NSD1: variants seen among roughly 807,000 people sequenced by gnomAD.
NSD1 encodes nuclear receptor binding SET domain protein 1, also known as histone-lysine N-methyltransferase, H3 lysine-36 specific.
NSD1 carries 26 observed loss-of-function variants against 242.7 expected under a neutral mutation model. The observed-to-expected ratio is 0.11, with a 90% confidence interval of 0.08 to 0.15. NSD1 has a LOEUF of 0.15. Among genes scored for constraint, NSD1 ranks in the 10% least tolerant of loss-of-function variants. The pLI is 1.00. For synonymous variants in NSD1, 1,106 were observed against 1,178.1 expected (o/e 0.94, Z 1.25); for missense variants, 2,495 against 3,272.8 (o/e 0.76, Z 5.80).
intron 2 of NSD1, among the ~76,000 whole-genome samples, chr5:177,153,022 T>C (rs184597272): frequency 6.6e-5 from 10 of 152,168 alleles, no homozygotes; most frequent in Admixed American, 1.3e-4. Context: ...TTTTAAATTA[T>C]GTTTTTATTT....
Position 177,134,519 on chromosome 5 carries a change from GCATT to G in NSD1, c.-17-565_-17-562del, listed in dbSNP as rs1756137914. ...CTGCAGCTGCGGATCCAGCAGGCCT[GCATT>G]CAGGAAGGCGAGCTCTGGGGTGCAG... On this transcript the variant is annotated intron_variant, in intron 1 of 22. Transcript: ENST00000439151. The surrounding 1 kb of genome is among the most constrained non-coding windows in gnomAD (Gnocchi z 4.2). 1.3e-5 allele frequency among the ~76,000 whole-genome samples: 2 copies of G among 152,200 alleles called. No individual in the cohort carries two copies. The highest frequency in any genetic ancestry group is 6.5e-5 in the Admixed American group (1 of 15,274).
chr5:177,293,702 A>T, intron 22 of NSD1, 130 bp from the exon 23 acceptor site: 1 of 986,338 alleles, frequency 1.0e-6, no homozygotes, highest in East Asian at 2.5e-5. Context: ...GGTGAGTGGC[A>T]TAAGCTCTCT....
Position 177,177,526 on chromosome 5 carries a change from AC to A in NSD1, c.928-14357del, listed in dbSNP as rs1277697121. ...CTCTTTCTCCCAAAAACAACAAAAA[AC>A]AAAACAAAACAAAAAAACAGCAACA... On this transcript the variant is annotated intron_variant, in intron 2 of 22. Coordinates refer to ENST00000439151, the MANE Select transcript of NSD1 (RefSeq NM_022455.5). Among the ~76,000 whole-genome samples, 25 of 152,144 alleles carry A rather than the reference AC, an allele frequency of 1.6e-4. No homozygotes were observed. The East Asian group carries it at 4.4e-3, about 27-fold the overall frequency.
intron 2 of NSD1, among the ~76,000 whole-genome samples, chr5:177,150,583 C>T (rs973554705): frequency 6.8e-6 from 1 of 147,178 alleles, no homozygotes; most frequent in Non-Finnish European, 1.5e-5. Context: ...TTTCACATTG[C>T]TAGTGACCTT....
At chr5:177,152,139 T>C (rs1180618574) in intron 2 of NSD1, among the ~76,000 whole-genome samples, 1 of 151,694 alleles carries the variant, frequency 6.6e-6, no homozygotes, top group Non-Finnish European at 1.5e-5. Context: ...GGATTACAGG[T>C]GTGAGCCACT....
Position 177,260,108 on chromosome 5 carries a change from A to C in NSD1, c.5086A>C (p.Arg1696=). The C allele has an allele frequency of 1.2e-6, 2 of 1,614,056 alleles. No individual in the cohort carries two copies. Among genetic ancestry groups the C allele is most frequent in the Non-Finnish European group, 1.7e-6 (2 of 1,180,000 alleles). The stretch of plus-strand genomic sequence containing the variant: ...CATCTGCCCTAATCACTTTACCCCT[A>C]GGCGGGGCTGCCGAAATCATGAGCA... ...SIICPNHFTP[R]RGCRNHEHVN... The change falls in exon 14 of 23, where the codon AGG becomes CGG. Residue 1696 remains arginine (R), a synonymous_variant. Transcript: ENST00000439151.
chr5:177,182,384 T>C (rs150539407), intron 2 of NSD1, among the ~76,000 whole-genome samples: 34 of 152,236 alleles, frequency 2.2e-4, no homozygotes, highest in African/African-American at 7.7e-4. Flanking sequence ...CAAGCAGCCA[T>C]GAACACTGAG....
rs1387535853 is a variant in NSD1, at chr5:177,292,174, C to G, written c.6463+16C>G. 1.2e-5 allele frequency: 19 copies of G among 1,612,390 alleles called. No individual in the cohort carries two copies. The East Asian group carries it at 4.2e-4, about 36-fold the overall frequency. Reference sequence around the variant, plus strand: ...CGACCAGCAGGTTGGTGCCAAAATCCATTTGTACCGCTACTCGTTCTCTCC... The same window carrying G: ...CGACCAGCAGGTTGGTGCCAAAATCGATTTGTACCGCTACTCGTTCTCTCC... On this transcript the variant is annotated intron_variant, in intron 22 of 22. Coordinates refer to ENST00000439151, the MANE Select transcript of NSD1 (RefSeq NM_022455.5).
At chr5:177,282,980 G>A (rs754234056) in intron 19 of NSD1, among the ~76,000 whole-genome samples, 1 of 152,080 alleles carries the variant, frequency 6.6e-6, no homozygotes, top group Non-Finnish European at 1.5e-5. Context: ...TTGAGACAGA[G>A]TCTCGTTCTG....
At chr5:177,143,502 A>G (rs1316025828) in intron 2 of NSD1, among the ~76,000 whole-genome samples, 2 of 151,824 alleles carry the variant, frequency 1.3e-5, no homozygotes, top group South Asian at 2.1e-4. Context: ...TTGTATTTTT[A>G]GAAGAGATGG....
intron 12 of NSD1, among the ~76,000 whole-genome samples, chr5:177,252,964 C>G (rs1756127553): frequency 6.6e-6 from 1 of 152,038 alleles, no homozygotes; most frequent in South Asian, 2.1e-4. Context: ...TGGTCAGTGA[C>G]ACTACCTGGG....
intron 2 of NSD1, among the ~76,000 whole-genome samples, chr5:177,157,313 C>T (rs992800335): frequency 7.9e-5 from 12 of 151,814 alleles, no homozygotes; most frequent in South Asian, 2.1e-4. Flanking sequence ...TTGTGGTGAG[C>T]GGAGATCGTG....
chr5:177,283,098 C>G (rs912000853), intron 19 of NSD1, among the ~76,000 whole-genome samples: 25 of 152,108 alleles, frequency 1.6e-4, no homozygotes, highest in Non-Finnish European at 3.1e-4. Flanking sequence ...GGACTACAGG[C>G]ATCCGCCACC....
At chr5:177,263,021 T>C (rs944171288) in intron 14 of NSD1, among the ~76,000 whole-genome samples, 3 of 152,230 alleles carry the variant, frequency 2.0e-5, no homozygotes, top group Non-Finnish European at 2.9e-5. Flanking sequence ...TTTACCTACT[T>C]ATGACCTGGA....
chr5:177,145,755 A>G (rs1219854672), intron 2 of NSD1, among the ~76,000 whole-genome samples: 1 of 151,992 alleles, frequency 6.6e-6, no homozygotes, highest in African/African-American at 2.4e-5. Context: ...CTAAAAATAC[A>G]AAATTAGCCA....
chr5:177,260,305 A>G (rs1756886616), intron 14 of NSD1, 137 bp downstream of exon 14: 2 of 791,392 alleles, frequency 2.5e-6, no homozygotes, highest in African/African-American at 3.5e-5. Context: ...CCATTCAGGA[A>G]ATGATGTCCC....
intron 17 of NSD1, among the ~76,000 whole-genome samples, chr5:177,279,239 T>G (rs1758641420): frequency 6.6e-6 from 1 of 152,182 alleles, no homozygotes; most frequent in African/African-American, 2.4e-5. Flanking sequence ...CCCAGCACTT[T>G]CAGAGACCGA....
intron 2 of NSD1, among the ~76,000 whole-genome samples, chr5:177,156,073 G>T (rs1758107903): frequency 6.6e-6 from 1 of 151,326 alleles, no homozygotes; most frequent in Non-Finnish European, 1.5e-5. Flanking sequence ...AATATTTATT[G>T]GACCCTAAAT....
chr5:177,269,652 A>G lies in NSD1; in HGVS notation c.5354A>G (p.Asp1785Gly), dbSNP rs773561238. ...CCTCGAGCTGTTCCTTCCAACATTGATAAGATGAGACATGATGTGGGAGAG... is the reference window on the plus strand; with the variant it reads ...CCTCGAGCTGTTCCTTCCAACATTGGTAAGATGAGACATGATGTGGGAGAG... ...CHPRAVPSNI[D>G]KMRHDVGEFP... The change falls in exon 16 of 23, where the codon GAT becomes GGT. Residue 1785 changes from aspartate to glycine, a missense_variant. Transcript: ENST00000439151. This position sits in a 1 kb window ranked among gnomAD's most constrained non-coding sequence, Gnocchi z 5.1. 6.2e-7 allele frequency: 1 copy of G among 1,614,100 alleles called. No homozygotes were observed. The highest frequency in any genetic ancestry group is 8.5e-7 in the Non-Finnish European group (1 of 1,180,022).
Sources: allele counts gnomAD v4.1 joint callset (sites outside exome capture counted in the v4.1 genomes callset), GRCh38; gene constraint gnomAD v4.1.1; non-coding constraint Gnocchi (gnomAD v3.1); transcripts MANE v1.5; gene names NCBI Gene and HGNC (gene_info 2026-07-23, HGNC 2026-07-21).